Variants in SPOCK3 observed in about 807,000 individuals in gnomAD.
SPOCK3 encodes the protein testican-3.
Under a neutral mutation model 56.6 loss-of-function variants are expected in SPOCK3, and 30 were observed. The observed-to-expected ratio is 0.53, with a 90% CI of 0.40 to 0.72. The LOEUF is 0.72. Among genes scored for constraint, SPOCK3 ranks in the 30% least tolerant of loss-of-function variants. The probability of loss-of-function intolerance (pLI) is 0.00; values close to 1 mark genes in which losing one functional copy is unlikely to be tolerated. For missense variants in SPOCK3, 527 were observed against 530.0 expected (o/e 0.99, Z 0.06); for synonymous variants, 196 against 183.3 (o/e 1.07, Z -0.56).
intron 2 of SPOCK3, among the ~76,000 whole-genome samples, chr4:167,174,437 A>AG (rs70957817): frequency 4.1e-5 from 3 of 72,912 alleles, no homozygotes; most frequent in African/African-American, 3.8e-4. Context: ...TAAAATTTTG[A>AG]AAAAAAAAAA....
chr4:166,778,258 T>C (rs1014575378), intron 7 of SPOCK3, among the ~76,000 whole-genome samples: 6 of 152,220 alleles, frequency 3.9e-5, no homozygotes, highest in African/African-American at 1.4e-4. Flanking sequence ...TTCTACAATG[T>C]AGACACATAA....
intron 6 of SPOCK3, among the ~76,000 whole-genome samples, chr4:166,828,828 A>T (rs1560902234): frequency 6.6e-6 from 1 of 151,990 alleles, no homozygotes; most frequent in Non-Finnish European, 1.5e-5. Context: ...TTGACCATGG[A>T]TCTTTATTTC....
At chr4:166,994,812 C>T (rs1748181805) in intron 4 of SPOCK3, among the ~76,000 whole-genome samples, 1 of 152,050 alleles carries the variant, frequency 6.6e-6, no homozygotes, top group Admixed American at 6.6e-5. Flanking sequence ...TAGCAGTTCT[C>T]AACTAGGGGA....
intron 6 of SPOCK3, among the ~76,000 whole-genome samples, chr4:166,838,043 A>C (rs1474466345): frequency 6.6e-6 from 1 of 152,132 alleles, no homozygotes; most frequent in Non-Finnish European, 1.5e-5. Context: ...ATTGCCAAAC[A>C]AATTGTTTTT....
intron 4 of SPOCK3, among the ~76,000 whole-genome samples, chr4:166,975,589 A>G (rs965798126): frequency 6.6e-6 from 1 of 152,162 alleles, no homozygotes; most frequent in African/African-American, 2.4e-5. Context: ...TCAAATATTT[A>G]GATTTTATAT....
chr4:167,230,500 CAAAA>C (rs35421281), intron 2 of SPOCK3, among the ~76,000 whole-genome samples: 2 of 85,868 alleles, frequency 2.3e-5, no homozygotes, highest in African/African-American at 4.0e-5. Context: ...AGCCCCCCAC[CAAAA>C]AAAAAAAAAA....
rs550781681 is a variant in SPOCK3, at chr4:167,010,102, C to T, written c.236-9639G>A. On this transcript the variant is annotated intron_variant, in intron 3 of 10. Transcript: ENST00000357545. The stretch of plus-strand genomic sequence containing the variant: ...GTGGGGGGAGTAAATTGAAAGCAAC[C>T]AAAAGGAAAAAGCAGTTTGTTTTCA... Among the ~76,000 whole-genome samples the T allele has an allele frequency of 9.7e-4, 148 of 151,882 alleles. 2 individuals are homozygous for T. In the Middle Eastern group the frequency reaches 0.01, roughly 11 times the overall value.
At chr4:166,814,438 T>A (rs939609774) in intron 6 of SPOCK3, among the ~76,000 whole-genome samples, 1 of 151,990 alleles carries the variant, frequency 6.6e-6, no homozygotes, top group African/African-American at 2.4e-5. Context: ...CCACCCTCAT[T>A]AGGTGGGTGG....
At chr4:167,102,021 A>AT (rs1031426432) in intron 2 of SPOCK3, among the ~76,000 whole-genome samples, 11 of 148,504 alleles carry the variant, frequency 7.4e-5, no homozygotes, top group South Asian at 2.1e-4. Context: ...TTTTCTTTTC[A>AT]TTTTTTGTAG....
chr4:167,108,462 T>C (rs973993190), intron 2 of SPOCK3, among the ~76,000 whole-genome samples: 2 of 151,934 alleles, frequency 1.3e-5, no homozygotes, highest in Non-Finnish European at 2.9e-5. Context: ...CACAATGGCA[T>C]ACTATTCAGC....
At chr4:166,778,855 G>C (rs1308369285) in intron 7 of SPOCK3, among the ~76,000 whole-genome samples, 1 of 151,956 alleles carries the variant, frequency 6.6e-6, no homozygotes, top group Non-Finnish European at 1.5e-5. Flanking sequence ...GTTGGGGGTA[G>C]GCAGAGTTTT....
At chr4:166,994,131 A>G (rs1369715602) in intron 4 of SPOCK3, among the ~76,000 whole-genome samples, 1 of 152,144 alleles carries the variant, frequency 6.6e-6, no homozygotes, top group East Asian at 1.9e-4. Flanking sequence ...TGGGCAGGAC[A>G]TCTCGCGAGA....
At chr4:166,807,189 G>T (rs1166680634) in intron 6 of SPOCK3, among the ~76,000 whole-genome samples, 2 of 151,862 alleles carry the variant, frequency 1.3e-5, no homozygotes, top group Non-Finnish European at 2.9e-5. Flanking sequence ...GCTGAGTTTT[G>T]CAAGTAATAA....
At position 166,742,645 on chromosome 4, in the gene SPOCK3, C is replaced by T. The variant is rs139942236; in HGVS notation, c.932-586G>A. 5.2e-3 allele frequency among the ~76,000 whole-genome samples: 795 copies of T among 151,976 alleles called. 6 individuals carry two copies. Among genetic ancestry groups the T allele is most frequent in the Non-Finnish European group, 5.7e-3 (390 of 67,954 alleles). On this transcript the variant is annotated intron_variant, in intron 8 of 10. Coordinates refer to ENST00000357545, the MANE Select transcript of SPOCK3 (RefSeq NM_001040159.2). The stretch of plus-strand genomic sequence containing the variant: ...TTGTATAATGTTAAGAGATATTAGT[C>T]TTTTTAGTTTCAGCCATATATGCAA...
chr4:166,947,360 T>A (rs1414569699), intron 4 of SPOCK3, among the ~76,000 whole-genome samples: 1 of 152,178 alleles, frequency 6.6e-6, no homozygotes, highest in African/African-American at 2.4e-5. Flanking sequence ...GCGTTATCAT[T>A]TTCTAAAAAT....
chr4:166,798,594 A>T (rs1742217894), intron 6 of SPOCK3, among the ~76,000 whole-genome samples: 1 of 152,212 alleles, frequency 6.6e-6, no homozygotes, highest in Non-Finnish European at 1.5e-5. Context: ...AGAATGGCCT[A>T]TATCAGATAC....
chr4:167,025,489 G>T (rs944390991), intron 3 of SPOCK3, among the ~76,000 whole-genome samples: 3 of 152,134 alleles, frequency 2.0e-5, no homozygotes, highest in Admixed American at 1.3e-4. Context: ...ATTTAACTTA[G>T]AAATAATATG....
intron 8 of SPOCK3, among the ~76,000 whole-genome samples, chr4:166,747,323 G>C (rs1418089037): frequency 3.3e-5 from 5 of 152,142 alleles, no homozygotes; most frequent in Admixed American, 6.6e-5. Context: ...TGCAAGTCTG[G>C]TTCAACCTAT....
chr4:166,844,796 A>T (rs1365166643), intron 6 of SPOCK3, among the ~76,000 whole-genome samples: 2 of 152,114 alleles, frequency 1.3e-5, no homozygotes, highest in African/African-American at 4.8e-5. Context: ...ACCTACCTAG[A>T]TCCTATTTGT....
Sources: gnomAD v4.1 joint callset for allele counts (sites outside exome capture counted in the v4.1 genomes callset) on GRCh38, gnomAD v4.1.1 for gene constraint, MANE v1.5 for transcripts, NCBI Gene and HGNC (gene_info 2026-07-23, HGNC 2026-07-21) for gene names.